Variants in CCR6 observed in about 807,000 individuals in gnomAD.
CCR6 encodes C-C chemokine receptor type 6.
In CCR6, 2 loss-of-function variants were observed where a neutral mutation model predicts 3.0. The observed-to-expected ratio is 0.66, with a 90% CI of 0.27 to 2.07. The LOEUF (loss-of-function observed/expected upper bound fraction) is 2.07, where lower values mean the gene tolerates loss of function less well. CCR6 is among the 30% of genes most tolerant of loss of function. The probability of loss-of-function intolerance (pLI) is 0.14; values close to 1 mark genes in which losing one functional copy is unlikely to be tolerated. For missense variants in CCR6, 322 were observed against 462.8 expected (o/e 0.70, Z 2.79); for synonymous variants, 193 against 184.3 (o/e 1.05, Z -0.38).
chr6:167,132,509 G>A (rs1781784180), intron 1 of CCR6, among the ~76,000 whole-genome samples: 1 of 151,944 alleles, frequency 6.6e-6, no homozygotes, highest in African/African-American at 2.4e-5. Context: ...CCTTCCAGTG[G>A]GATCTCTGTG....
chr6:167,132,629 C>A (rs904893456), intron 1 of CCR6, among the ~76,000 whole-genome samples: 5 of 152,198 alleles, frequency 3.3e-5, no homozygotes, highest in African/African-American at 1.2e-4. Context: ...CAACCTCCGC[C>A]TCCCGGGTTC....
rs1359373359 is a variant in CCR6 at position 167,136,844 on chromosome 6, C to T, written c.614C>T (p.Ser205Leu). ...TGTGAACCCAAGTACCAGACTGTCT[C>T]GGAGCCCATCAGGTGGAAGCTGCTG... is the stretch of plus-strand genomic sequence containing the variant. ...DVCEPKYQTV[S>L]EPIRWKLLML... Residue 205 changes from serine to leucine, a missense_variant, in exon 3 of 3, where the codon TCG (serine) becomes TTG (leucine). By Grantham distance (145) the Ser-to-Leu change is moderately radical. Coordinates refer to ENST00000341935, the MANE Select transcript of CCR6 (RefSeq NM_031409.4). This position sits in a 1 kb window ranked among gnomAD's most constrained non-coding sequence, Gnocchi z 4.6. 8.1e-6 allele frequency: 13 copies of T among 1,614,012 alleles called. No homozygotes were observed. Among genetic ancestry groups the T allele is most frequent in the Middle Eastern group, 1.6e-4 (1 of 6,084 alleles).
At position 167,137,398 on chromosome 6, in the gene CCR6, T is replaced by C. The variant is rs750367865; in HGVS notation, c.*43T>C. ...CTAAGGCATGTGTGAAACATACTCA[T>C]AGATGTTATGCAAAAAAAAGTCTAT... On this transcript the variant is annotated 3_prime_UTR_variant, in exon 3 of 3. Coordinates refer to ENST00000341935, the MANE Select transcript of CCR6 (RefSeq NM_031409.4). The surrounding 1 kb of genome is among the most constrained non-coding windows in gnomAD (Gnocchi z 4.6). 1.3e-6 allele frequency: 2 copies of C among 1,537,998 alleles called. No homozygotes were observed. The highest frequency in any genetic ancestry group is 2.1e-5 in the Admixed American group (1 of 46,990).
At chr6:167,131,861 A>G (rs1414291290) in intron 1 of CCR6, among the ~76,000 whole-genome samples, 1 of 152,170 alleles carries the variant, frequency 6.6e-6, no homozygotes, top group East Asian at 1.9e-4. Flanking sequence ...TATGCAATAA[A>G]TGTCACCGAT....
At chr6:167,117,409 T>TC (rs1482402674) in intron 1 of CCR6, among the ~76,000 whole-genome samples, 2 of 132,494 alleles carry the variant, frequency 1.5e-5, no homozygotes, top group African/African-American at 2.9e-5. Flanking sequence ...TTTTCTTTTT[T>TC]TTTTTCTTTT....
upstream of CCR6, among the ~76,000 whole-genome samples, chr6:167,118,855 G>A (rs977499819): frequency 1.3e-5 from 2 of 152,140 alleles, no homozygotes; most frequent in African/African-American, 4.8e-5. Context: ...GTGAAATGGC[G>A]AGGGTCAGCC....
upstream of CCR6, chr6:167,119,191 C>G (rs1046849790): frequency 6.6e-6 from 1 of 152,520 alleles, no homozygotes; most frequent in African/African-American, 2.4e-5. Context: ...CCTACCTGGT[C>G]AGATCTGAGT....
At chr6:167,126,929 A>C (rs1388656791) in intron 1 of CCR6, among the ~76,000 whole-genome samples, 1 of 152,086 alleles carries the variant, frequency 6.6e-6, no homozygotes, top group Non-Finnish European at 1.5e-5. Context: ...TTCTGACATG[A>C]TTGTCAGTTT....
intron 1 of CCR6, among the ~76,000 whole-genome samples, chr6:167,130,801 A>G (rs941479126): frequency 3.9e-5 from 6 of 151,920 alleles, no homozygotes; most frequent in African/African-American, 1.5e-4. Context: ...ATGAGAATAA[A>G]TGAAAGGAAA....
intron 1 of CCR6, among the ~76,000 whole-genome samples, chr6:167,128,594 C>T (rs932784085): frequency 1.1e-4 from 17 of 152,092 alleles, no homozygotes; most frequent in South Asian, 1.0e-3. Flanking sequence ...ATTTTTGAGA[C>T]GGAGTCTTGC....
At chr6:167,124,824 T>C (rs1300260602) in intron 1 of CCR6, among the ~76,000 whole-genome samples, 4 of 151,474 alleles carry the variant, frequency 2.6e-5, no homozygotes, top group Non-Finnish European at 1.5e-5. Flanking sequence ...CACATATGCG[T>C]GCATATATAC....
intron 1 of CCR6, among the ~76,000 whole-genome samples, chr6:167,124,793 A>ATGTG (rs1554281767): frequency 8.7e-6 from 1 of 115,220 alleles, no homozygotes; most frequent in African/African-American, 3.3e-5. Context: ...TTTACAGCAT[A>ATGTG]TGCGCGCACA....
chr6:167,128,520 C>T (rs528205342), intron 1 of CCR6, among the ~76,000 whole-genome samples: 1 of 152,358 alleles, frequency 6.6e-6, no homozygotes, highest in African/African-American at 2.4e-5. Context: ...AAGATTTTTG[C>T]TGCTGCTGCA....
intron 1 of CCR6, among the ~76,000 whole-genome samples, chr6:167,133,941 T>TATAC (rs1482399931): frequency 5.6e-5 from 2 of 35,502 alleles, no homozygotes; most frequent in African/African-American, 1.3e-4. Flanking sequence ...TGTATATATA[T>TATAC]ATATATATAT....
At chr6:167,134,897 G>A (rs930088390) in intron 1 of CCR6, 2 of 152,226 alleles carry the variant, frequency 1.3e-5, no homozygotes, top group Non-Finnish European at 2.9e-5. Context: ...GAAGGAGTGA[G>A]CCTGAGAATA....
chr6:167,118,773 C>G (rs1387183363), upstream of CCR6, among the ~76,000 whole-genome samples: 1 of 152,192 alleles, frequency 6.6e-6, no homozygotes, highest in Non-Finnish European at 1.5e-5. Context: ...GTTTTCTCAT[C>G]TGTCACTTGA....
chr6:167,126,227 T>C (rs1781666875), intron 1 of CCR6: 1 of 152,244 alleles, frequency 6.6e-6, no homozygotes, highest in South Asian at 2.1e-4. Context: ...ATTTATATGA[T>C]TTCAAGCCTA....
chr6:167,126,371 C>G (rs1015765727), intron 1 of CCR6: 1 of 152,220 alleles, frequency 6.6e-6, no homozygotes, highest in Non-Finnish European at 1.5e-5. Context: ...ATCAATCAGA[C>G]GTGAGGCCTG....
intron 1 of CCR6, among the ~76,000 whole-genome samples, chr6:167,125,382 G>A (rs1239411627): frequency 2.0e-5 from 3 of 152,226 alleles, no homozygotes; most frequent in Non-Finnish European, 2.9e-5. Flanking sequence ...CAGTCGGTCT[G>A]TTGCTTGGTC....
Sources: gnomAD v4.1 joint callset for allele counts (sites outside exome capture counted in the v4.1 genomes callset) on GRCh38, gnomAD v4.1.1 for gene constraint, Gnocchi (gnomAD v3.1) non-coding constraint, MANE v1.5 for transcripts, NCBI Gene and HGNC (gene_info 2026-07-23, HGNC 2026-07-21) for gene names.